TUSC3: variants seen among roughly 807,000 people sequenced by gnomAD.
The protein encoded by TUSC3 is dolichyl-diphosphooligosaccharide--protein glycosyltransferase subunit TUSC3.
In TUSC3, 45 loss-of-function variants were observed where a neutral mutation model predicts 44.8. The ratio of observed to expected loss-of-function variants is 1.00; its 90% CI spans 0.79 to 1.29. The LOEUF is 1.29. TUSC3 is among the 50% of genes most tolerant of loss of function. The pLI is 0.00. For missense variants in TUSC3, 519 were observed against 437.9 expected (o/e 1.19, Z -1.65); for synonymous variants, 212 against 152.9 (o/e 1.39, Z -2.85).
intron 1 of TUSC3, among the ~76,000 whole-genome samples, chr8:15,430,299 C>T (rs1799856087): frequency 6.8e-6 from 1 of 147,958 alleles, no homozygotes; most frequent in Non-Finnish European, 1.5e-5. Flanking sequence ...TGGGCTTCAT[C>T]CCTGAGAGGC....
chr8:15,595,880 A>C (rs1296946897), intron 1 of TUSC3, among the ~76,000 whole-genome samples: 1 of 152,200 alleles, frequency 6.6e-6, no homozygotes, highest in East Asian at 1.9e-4. Context: ...GTAAGATTTA[A>C]AGTGACAGTC....
intron 1 of TUSC3, among the ~76,000 whole-genome samples, chr8:15,438,442 G>GTT (rs1191691350): frequency 1.1e-3 from 164 of 146,962 alleles, no homozygotes; most frequent in Middle Eastern, 7.2e-3. Flanking sequence ...GTATGTGCAT[G>GTT]GTGCCTGGTA....
the TUSC3 span, among the ~76,000 whole-genome samples, chr8:15,780,180 C>A: frequency 6.6e-6 from 1 of 152,136 alleles, no homozygotes; most frequent in East Asian, 1.9e-4. Context: ...CAGAGAAAAT[C>A]AGGAATTCAA....
intron 1 of TUSC3, among the ~76,000 whole-genome samples, chr8:15,443,612 C>G (rs1800051959): frequency 6.6e-6 from 1 of 152,086 alleles, no homozygotes; most frequent in South Asian, 2.1e-4. Context: ...TTGGGAGGAA[C>G]TTAATTTATA....
intron 1 of TUSC3, among the ~76,000 whole-genome samples, chr8:15,573,805 T>A (rs1802983128): frequency 1.3e-5 from 2 of 152,120 alleles, no homozygotes; most frequent in African/African-American, 4.8e-5. Context: ...CATCTAAACA[T>A]ACTTTGGAAG....
chr8:15,612,667 T>C (rs1371385074), intron 1 of TUSC3, among the ~76,000 whole-genome samples: 1 of 152,206 alleles, frequency 6.6e-6, no homozygotes, highest in Admixed American at 6.5e-5. Flanking sequence ...GAACGTATTA[T>C]GACTGATTCT....
At chr8:15,685,592 AGTG>A (rs1481425447) in intron 6 of TUSC3, among the ~76,000 whole-genome samples, 1 of 152,170 alleles carries the variant, frequency 6.6e-6, no homozygotes, top group East Asian at 1.9e-4. Flanking sequence ...ATTTTTCAAA[AGTG>A]GTATTCACTG....
At chr8:15,614,354 C>T (rs557531914) in intron 1 of TUSC3, among the ~76,000 whole-genome samples, 1 of 152,174 alleles carries the variant, frequency 6.6e-6, no homozygotes, top group Admixed American at 6.5e-5. Context: ...AAATGACTTT[C>T]AGTAACTTTA....
intron 6 of TUSC3, 123 bp downstream of exon 6, chr8:15,673,959 C>T: frequency 1.3e-6 from 1 of 796,514 alleles, no homozygotes; most frequent in South Asian, 1.7e-5. Context: ...TATATTCTTT[C>T]TCATTTACTA....
At chr8:15,423,969 G>GTTTTTGTTTTGTTTTTTTTTTTTTTTTTT (rs1563247134) in intron 1 of TUSC3, among the ~76,000 whole-genome samples, 2 of 70,362 alleles carry the variant, frequency 2.8e-5, no homozygotes, top group African/African-American at 8.2e-5. Flanking sequence ...GTTTTGCTTT[G>GTTTTTGTTTTGTTTTTTTTTTTTTTTTTT]TTTTTTTTTT....
At chr8:15,424,360 A>T (rs530881119) in intron 1 of TUSC3, among the ~76,000 whole-genome samples, 1 of 151,972 alleles carries the variant, frequency 6.6e-6, no homozygotes, top group Non-Finnish European at 1.5e-5. Flanking sequence ...TTCCCCTCCC[A>T]GTATTTATCC....
At chr8:15,823,032 C>T in the TUSC3 span, among the ~76,000 whole-genome samples, 14 of 152,002 alleles carry the variant, frequency 9.2e-5, no homozygotes, top group East Asian at 2.7e-3. Context: ...TTTTTCTTTT[C>T]TAAAGGAAGA....
At chr8:15,720,952 T>C (rs999025295) in intron 6 of TUSC3, among the ~76,000 whole-genome samples, 3 of 152,120 alleles carry the variant, frequency 2.0e-5, no homozygotes, top group Non-Finnish European at 2.9e-5. Context: ...GCTGACAGAA[T>C]TATGAAAGCA....
chr8:15,837,682 T>G, the TUSC3 span, among the ~76,000 whole-genome samples: 1 of 152,206 alleles, frequency 6.6e-6, no homozygotes, highest in Non-Finnish European at 1.5e-5. Context: ...ACTTTCTCTG[T>G]CTTTGTTTAG....
chr8:15,674,899 C>G (rs7838507), intron 6 of TUSC3, among the ~76,000 whole-genome samples: 3,002 of 151,724 alleles, frequency 0.02, 96 homozygotes, highest in African/African-American at 0.068. Flanking sequence ...TAAATTATTC[C>G]CTTACCTTTA....
At chr8:15,548,081 G>C (rs1801935268) in intron 1 of TUSC3, among the ~76,000 whole-genome samples, 1 of 151,590 alleles carries the variant, frequency 6.6e-6, no homozygotes, top group Admixed American at 6.6e-5. Flanking sequence ...CGACCATGCT[G>C]GAACTCTGAT....
At chr8:15,617,307 T>C (rs1805037954) in intron 1 of TUSC3, among the ~76,000 whole-genome samples, 1 of 151,804 alleles carries the variant, frequency 6.6e-6, no homozygotes, top group Non-Finnish European at 1.5e-5. Context: ...GCCTGGCTTA[T>C]TTTTGTATTT....
In TUSC3 at chr8:15,529,987, T is replaced by G. The variant is rs907243493; in HGVS notation, n.189+46504T>G. On this transcript the variant is annotated intron_variant and non_coding_transcript_variant, in intron 2 of 5. Transcript: ENST00000503191. The stretch of plus-strand genomic sequence containing the variant: ...TTTTTAGTAGAGACGGGGTTTCACC[T>G]TGTTAGCCAGGATGGTCTCGATCTC... Among the ~76,000 whole-genome samples the G allele has an allele frequency of 3.8e-4, 44 of 116,870 alleles. 2 individuals are homozygous for G. The highest frequency in any genetic ancestry group is 1.3e-3 in the African/African-American group (35 of 26,652). The allele number at this position is 116,870 out of a possible 152,430, so 76.7% of individuals were successfully genotyped here.
the TUSC3 span, among the ~76,000 whole-genome samples, chr8:15,846,605 G>C: frequency 2.0e-5 from 3 of 152,054 alleles, no homozygotes; most frequent in African/African-American, 4.8e-5. Flanking sequence ...ACTAACATAA[G>C]AACAGAAAAC....
Sources: gnomAD v4.1 joint callset for allele counts (sites outside exome capture counted in the v4.1 genomes callset) on GRCh38, gnomAD v4.1.1 for gene constraint, MANE v1.5 for transcripts, NCBI Gene and HGNC (gene_info 2026-07-23, HGNC 2026-07-21) for gene names.